USP3: variants seen among roughly 807,000 people sequenced by gnomAD.
USP3 encodes ubiquitin carboxyl-terminal hydrolase 3.
Under a neutral mutation model 72.3 loss-of-function variants are expected in USP3, and 20 were observed. The observed-to-expected ratio is 0.28, with a 90% CI of 0.19 to 0.40. The LOEUF (loss-of-function observed/expected upper bound fraction) is 0.40. Among genes scored for constraint, USP3 ranks in the 10% least tolerant of loss-of-function variants. The pLI, the probability that USP3 is intolerant of heterozygous loss-of-function variation, is 1.00. For synonymous variants in USP3, 222 were observed against 225.3 expected (o/e 0.99, Z 0.13); for missense variants, 479 against 633.9 (o/e 0.76, Z 2.62).
chr15:63,581,069 A>G (rs7168903), intron 11 of USP3, among the ~76,000 whole-genome samples: 102,782 of 151,746 alleles, frequency 0.68, 35,994 homozygotes, highest in Non-Finnish European at 0.73. Flanking sequence ...GCCTCCCAAA[A>G]TGCTGGGATG....
At chr15:63,533,398 C>T (rs1273422760) in intron 2 of USP3, among the ~76,000 whole-genome samples, 1 of 152,110 alleles carries the variant, frequency 6.6e-6, no homozygotes. Flanking sequence ...CAGTTCTTGG[C>T]CTCAAAATAA....
chr15:63,543,462 C>T (rs2066275894), intron 3 of USP3, among the ~76,000 whole-genome samples: 1 of 151,902 alleles, frequency 6.6e-6, no homozygotes, highest in Non-Finnish European at 1.5e-5. Context: ...GAAAAGAAAC[C>T]TTTGTCAAAT....
At chr15:63,558,056 G>A in intron 5 of USP3, 50 bp from the exon 6 acceptor site, 3 of 1,596,676 alleles carry the variant, frequency 1.9e-6, no homozygotes, top group Middle Eastern at 1.7e-4. Flanking sequence ...GTTTGAAACA[G>A]TTGGCCTTCC....
intron 3 of USP3, chr15:63,542,259 G>C (rs772314212): frequency 2.1e-4 from 191 of 906,408 alleles, no homozygotes; most frequent in Non-Finnish European, 2.4e-4. Flanking sequence ...TTGAGCAATT[G>C]AATGTGGCTA....
At chr15:63,587,306 G>A (rs2152684276) in intron 11 of USP3, among the ~76,000 whole-genome samples, 1 of 152,086 alleles carries the variant, frequency 6.6e-6, no homozygotes, top group Admixed American at 6.5e-5. Context: ...ATCCAAGTGT[G>A]GGGTCCATAG....
chr15:63,541,925 A>T, intron 3 of USP3: 1 of 312,930 alleles, frequency 3.2e-6, no homozygotes, highest in Non-Finnish European at 4.6e-6. Context: ...TTATTTATTT[A>T]TTTTTGGTAT....
intron 6 of USP3, among the ~76,000 whole-genome samples, chr15:63,558,482 G>A (rs979499514): frequency 6.6e-6 from 1 of 152,096 alleles, no homozygotes; most frequent in African/African-American, 2.4e-5. Flanking sequence ...ACTGAGGTCA[G>A]CAAACTTTTT....
intron 3 of USP3, among the ~76,000 whole-genome samples, chr15:63,552,109 T>G (rs2066446011): frequency 6.6e-6 from 1 of 152,246 alleles, no homozygotes; most frequent in Non-Finnish European, 1.5e-5. Flanking sequence ...AAAAGTGATC[T>G]GAGTTTGCTC....
chr15:63,509,912 A>G (rs2152646308), intron 1 of USP3, among the ~76,000 whole-genome samples: 1 of 152,330 alleles, frequency 6.6e-6, no homozygotes, highest in South Asian at 2.1e-4. Flanking sequence ...TTCTTTCCCT[A>G]ATAATATGCT....
chr15:63,529,131 T>C lies in USP3; in HGVS notation c.92-3516T>C. 2.7e-6 allele frequency: 3 copies of C among 1,119,730 alleles called. No homozygotes were observed. Among genetic ancestry groups the C allele is most frequent in the Non-Finnish European group, 3.6e-6 (3 of 834,430 alleles). The allele number at this position is 1,119,730 out of a possible 1,614,324, so 69.4% of individuals were successfully genotyped here. A position where few individuals can be genotyped will look rare whatever the true frequency, so the allele number is the denominator to read the frequency against. On this transcript the variant is annotated intron_variant, in intron 1 of 14. Transcript: ENST00000380324. The surrounding 1 kb of genome is among the most constrained non-coding windows in gnomAD (Gnocchi z 4.2). ...CTTCTGCCTCAGCCTCCCAAGTAGC[T>C]GGGACTACAGATGCAATCACCACCA...
At position 63,590,737 on chromosome 15, in the gene USP3, C is replaced by T. The variant is rs1305179750; in HGVS notation, c.1474C>T (p.Leu492=). The change falls in exon 15 of 15, where the codon CTG becomes TTG. Residue 492 remains leucine, a synonymous_variant. Coordinates refer to ENST00000380324, the MANE Select transcript of USP3 (RefSeq NM_006537.4). The part of the protein sequence containing the change: ...WFHFNDSTVT[L]TDEETVVKAK... ...CCACTTCAATGACAGTACTGTAACA[C>T]TGACTGACGAGGAGACTGTGGTGAA... The T allele has an allele frequency of 1.9e-6, 3 of 1,614,178 alleles. No homozygotes were observed. The highest frequency in any genetic ancestry group is 1.3e-5 in the African/African-American group (1 of 75,048).
chr15:63,558,842 T>C (rs1297321694), intron 6 of USP3, among the ~76,000 whole-genome samples: 1 of 151,920 alleles, frequency 6.6e-6, no homozygotes, highest in Non-Finnish European at 1.5e-5. Flanking sequence ...GCCACTACAC[T>C]CCAGCCTGGG....
chr15:63,552,481 A>G (rs2152669399), intron 3 of USP3, among the ~76,000 whole-genome samples: 1 of 152,344 alleles, frequency 6.6e-6, no homozygotes, highest in South Asian at 2.1e-4. Flanking sequence ...TCCAGGATAT[A>G]AAAGACTGCT....
rs534729702 is a variant in USP3, at chr15:63,570,505, C to T, written c.834C>T (p.Gly278=). The T allele has an allele frequency of 2.0e-5, 32 of 1,614,158 alleles. No homozygotes were observed. The highest frequency in any genetic ancestry group is 9.9e-5 in the South Asian group (9 of 91,090). ...ACCACCTACACTTGGAACTTCAGGG[C>T]GGTTTCAACGGTGTTTCCCGCTCAG... ...LLDHLHLELQ[G]GFNGVSRSAI... Residue 278 remains glycine, a synonymous_variant, in exon 9 of 15, where the codon GGC becomes GGT. Coordinates refer to ENST00000380324, the MANE Select transcript of USP3 (RefSeq NM_006537.4). This position sits in a 1 kb window ranked among gnomAD's most constrained non-coding sequence, Gnocchi z 4.4.
intron 14 of USP3, among the ~76,000 whole-genome samples, chr15:63,589,965 T>C (rs1459664794): frequency 1.6e-5 from 2 of 121,446 alleles, no homozygotes. Context: ...CACTATCTTT[T>C]TGAAACTATT....
intron 3 of USP3, among the ~76,000 whole-genome samples, chr15:63,543,927 T>C (rs2066282339): frequency 6.6e-6 from 1 of 151,858 alleles, no homozygotes; most frequent in Non-Finnish European, 1.5e-5. Context: ...TGAGAAATTA[T>C]GGCCAGGCAT....
At chr15:63,547,501 G>A (rs1443265485) in intron 3 of USP3, among the ~76,000 whole-genome samples, 1 of 151,970 alleles carries the variant, frequency 6.6e-6, no homozygotes, top group Non-Finnish European at 1.5e-5. Flanking sequence ...AGGCTGAGGT[G>A]GGAGGATTGC....
At chr15:63,566,602 C>A (rs1025382996) in intron 8 of USP3, among the ~76,000 whole-genome samples, 24 of 152,242 alleles carry the variant, frequency 1.6e-4, no homozygotes, top group African/African-American at 5.5e-4. Flanking sequence ...TGTGACCCAC[C>A]GTGCCTGGCC....
At chr15:63,518,923 G>A (rs1005694204) in intron 1 of USP3, among the ~76,000 whole-genome samples, 2 of 151,922 alleles carry the variant, frequency 1.3e-5, no homozygotes, top group East Asian at 1.9e-4. Context: ...TCACCACCAC[G>A]CCCGGCTAAT....
Sources: allele counts gnomAD v4.1 joint callset (sites outside exome capture counted in the v4.1 genomes callset), GRCh38; gene constraint gnomAD v4.1.1; non-coding constraint Gnocchi (gnomAD v3.1); transcripts MANE v1.5; gene names NCBI Gene and HGNC (gene_info 2026-07-23, HGNC 2026-07-21).